ITPRID2: variants seen among roughly 807,000 people sequenced by gnomAD.
ITPRID2 encodes ITPR interacting domain containing 2, also known as protein ITPRID2.
Under a neutral mutation model 124.3 loss-of-function variants are expected in ITPRID2, and 60 were observed. The observed-to-expected ratio is 0.48, with a 90% CI of 0.39 to 0.60. ITPRID2 has a LOEUF of 0.60. Among genes scored for constraint, ITPRID2 ranks in the 20% least tolerant of loss-of-function variants. ITPRID2 has a pLI of 0.00. For synonymous variants in ITPRID2, 521 were observed against 542.9 expected, an observed-to-expected ratio of 0.96 and a Z score of 0.56; for missense variants, 1,553 against 1,512.2, an observed-to-expected ratio of 1.03 and a Z score of -0.45.
chr2:181,911,875 G>C (rs925925361), intron 9 of ITPRID2, among the ~76,000 whole-genome samples: 2 of 152,166 alleles, frequency 1.3e-5, no homozygotes, highest in African/African-American at 4.8e-5. Context: ...GCAAGAACTT[G>C]AACCCAGGCC....
intron 11 of ITPRID2, 175 bp from the exon 12 acceptor site, chr2:181,918,423 T>C (rs1574285925): frequency 6.9e-7 from 1 of 1,439,272 alleles, no homozygotes; most frequent in South Asian, 1.6e-5. Context: ...CTAGCAGTAC[T>C]AGGTGTCATT....
Position 181,922,272 on chromosome 2 carries a change from G to T in ITPRID2, c.3535G>T (p.Asp1179Tyr), listed in dbSNP as rs61736565. 2.5e-6 allele frequency: 4 copies of T among 1,614,108 alleles called. No homozygotes were observed. The highest frequency in any genetic ancestry group is 3.4e-6 in the Non-Finnish European group (4 of 1,180,050). Residue 1179 changes from aspartate (D) to tyrosine (Y), a missense_variant, in exon 16 of 18, where the codon GAT (aspartate) becomes TAT (tyrosine). Physicochemically the swap from Asp to Tyr is radical, Grantham distance 160. Transcript: ENST00000431877. ...AGATTTGGAAAGTTCTGAGGAAGTT[G>T]ATGCAGCTGAAGGAGCCCCAGAAGT... ...PPDLESSEEV[D>Y]AAEGAPEVVG...
intron 17 of ITPRID2, among the ~76,000 whole-genome samples, 176 bp from the exon 18 acceptor site, chr2:181,929,383 TTA>T (rs952372020): frequency 1.7e-4 from 26 of 152,002 alleles, no homozygotes; most frequent in African/African-American, 5.6e-4. Context: ...TTAATAGGAA[TTA>T]TTTTTTTTAA....
In ITPRID2 at chr2:181,902,113, T is replaced by C. The variant is rs1222018763; in HGVS notation, c.1060T>C (p.Ser354Pro). ...QKIMKKKESS[S>P]MLATVKEEVS... ...AATTATGAAGAAGAAAGAGTCATCT[T>C]CTATGTTGGCTACAGTTAAAGAAGA... Residue 354 changes from serine to proline, a missense_variant, in exon 8 of 18, where the codon TCT becomes CCT. Transcript: ENST00000431877. This position sits in a 1 kb window ranked among gnomAD's most constrained non-coding sequence, Gnocchi z 4.4. 6.2e-7 allele frequency: 1 copy of C among 1,612,712 alleles called. No individual in the cohort carries two copies. Among genetic ancestry groups the C allele is most frequent in the Non-Finnish European group, 8.5e-7 (1 of 1,179,386 alleles).
Position 181,919,464 on chromosome 2 carries a change from T to G in ITPRID2, c.3144+18T>G, listed in dbSNP as rs558306715. On this transcript the variant is annotated intron_variant, in intron 14 of 17. Transcript: ENST00000431877. The surrounding 1 kb of genome is among the most constrained non-coding windows in gnomAD (Gnocchi z 4.2). The stretch of plus-strand genomic sequence containing the variant: ...CACTCATGGTACGCTACCTGGAGGG[T>G]GGTCGGAGTTTTCACCAAAGGTTTA... 6.5e-7 allele frequency: 1 copy of G among 1,527,868 alleles called. No individual in the cohort carries two copies. Among genetic ancestry groups the G allele is most frequent in the African/African-American group, 1.4e-5 (1 of 71,362 alleles). The allele number at this position is 1,527,868 out of a possible 1,614,324, so 94.6% of individuals were successfully genotyped here. A position where few individuals can be genotyped will look rare whatever the true frequency, so the allele number is the denominator to read the frequency against.
chr2:181,911,751 G>A (rs1477146800), intron 9 of ITPRID2, among the ~76,000 whole-genome samples: 2 of 152,178 alleles, frequency 1.3e-5, no homozygotes. Flanking sequence ...TTACAAAATA[G>A]TTTCCCCTAC....
At position 181,902,370 on chromosome 2, in the gene ITPRID2, T is replaced by C. The variant is rs764356156; in HGVS notation, c.1317T>C (p.His439=). The part of the protein sequence containing the change: ...LENSSELKSV[H]ISTPEKEPCA... Reference sequence around the variant, plus strand: ...ATAGCAGTGAGCTGAAAAGTGTCCATATATCCACACCTGAAAAAGAGCCTT... The same window carrying C: ...ATAGCAGTGAGCTGAAAAGTGTCCACATATCCACACCTGAAAAAGAGCCTT... The change falls in exon 8 of 18, where the codon CAT becomes CAC. Residue 439 remains histidine, a synonymous_variant. Transcript: ENST00000431877. The surrounding 1 kb of genome is among the most constrained non-coding windows in gnomAD (Gnocchi z 4.4). 2 of 1,613,910 alleles carry C rather than the reference T, an allele frequency of 1.2e-6. No individual in the cohort carries two copies. Among genetic ancestry groups the C allele is most frequent in the Non-Finnish European group, 1.7e-6 (2 of 1,179,880 alleles).
intron 8 of ITPRID2, among the ~76,000 whole-genome samples, chr2:181,906,476 ACACCTGTAATCCCAG>A (rs1693133137): frequency 6.6e-6 from 1 of 152,166 alleles, no homozygotes; most frequent in Non-Finnish European, 1.5e-5. Flanking sequence ...ATGGTGATTC[ACACCTGTAATCCCAG>A]CACTGTGTGG....
At chr2:181,900,193 A>C (rs1286699913) in intron 6 of ITPRID2, among the ~76,000 whole-genome samples, 1 of 152,184 alleles carries the variant, frequency 6.6e-6, no homozygotes, top group Non-Finnish European at 1.5e-5. Context: ...AGTTGAAAGT[A>C]AGCTCCTCCC....
In ITPRID2 at chr2:181,924,791, A is replaced by T. The variant is rs139216639; in HGVS notation, c.3675+2379A>T. ...TATTTAATACACTAATTACATAGCT[A>T]AACTTTTGTCATATTAAAGATACCT... On this transcript the variant is annotated intron_variant, in intron 16 of 17. Transcript: ENST00000431877. 5.9e-5 allele frequency among the ~76,000 whole-genome samples: 9 copies of T among 152,350 alleles called. No individual in the cohort carries two copies. In the East Asian group the frequency reaches 1.5e-3, roughly 26 times the overall value.
intron 16 of ITPRID2, among the ~76,000 whole-genome samples, chr2:181,923,394 C>A (rs1694626428): frequency 6.6e-6 from 1 of 152,074 alleles, no homozygotes; most frequent in African/African-American, 2.4e-5. Context: ...CAGAAGACTT[C>A]ATATCTGTAA....
chr2:181,901,831 G>A lies in ITPRID2; in HGVS notation c.778G>A (p.Val260Ile). 7.4e-6 allele frequency: 12 copies of A among 1,613,738 alleles called. No homozygotes were observed. Among genetic ancestry groups the A allele is most frequent in the Non-Finnish European group, 9.3e-6 (11 of 1,179,810 alleles). Reference sequence around the variant, plus strand: ...TGCGTTTTCTTCTTTATATTCTCAAGTCTCCGGGACGCCCCTGCAGAGAAT... The same window carrying A: ...TGCGTTTTCTTCTTTATATTCTCAAATCTCCGGGACGCCCCTGCAGAGAAT... The part of the protein sequence containing the change: ...ANAFSSLYSQ[V>I]SGTPLQRIGS... The change falls in exon 8 of 18, where the codon GTC becomes ATC. Residue 260 changes from valine (V) to isoleucine (I), a missense_variant. Val to Ile is a conservative substitution (Grantham distance 29, BLOSUM62 3). Transcript: ENST00000431877.
chr2:181,891,849 G>C lies in ITPRID2; in HGVS notation c.-218G>C, dbSNP rs1574177344. 6.3e-6 allele frequency: 2 copies of C among 319,296 alleles called. No individual in the cohort carries two copies. Among genetic ancestry groups the C allele is most frequent in the East Asian group, 9.4e-5 (1 of 10,622 alleles). 19.8% of individuals were successfully genotyped at this position (319,296 alleles called of 1,614,324 possible). A position where few individuals can be genotyped will look rare whatever the true frequency, so the allele number is the denominator to read the frequency against. ...GCCACTAGCGCTCCCGCGCGCGCCC[G>C]GCCGCCTTCATGTGAAGCGCCGGCC... On this transcript the variant is annotated 5_prime_UTR_variant, in exon 1 of 18. Coordinates refer to ENST00000431877, the MANE Select transcript of ITPRID2 (RefSeq NM_001130445.3).
Position 181,891,963 on chromosome 2 carries a change from G to T in ITPRID2, c.-104G>T, listed in dbSNP as rs921578082. The T allele has an allele frequency of 4.4e-6, 4 of 903,312 alleles. No homozygotes were observed. Among genetic ancestry groups the T allele is most frequent in the African/African-American group, 1.9e-5 (1 of 53,232 alleles). 56.0% of individuals were successfully genotyped at this position (903,312 alleles called of 1,614,324 possible). The stretch of plus-strand genomic sequence containing the variant: ...CCTCCGGCGCCCGCTTCAGCTCCCC[G>T]GGGCCCCCTGCCCGGCCGGGCGCTG... On this transcript the variant is annotated 5_prime_UTR_variant, in exon 1 of 18. Coordinates refer to ENST00000431877, the MANE Select transcript of ITPRID2 (RefSeq NM_001130445.3).
Position 181,915,461 on chromosome 2 carries a change from TA to T in ITPRID2, c.1824del (p.Lys608AsnfsTer27). ...QCNTIENTGTKQSTCSPGDHI... is the reference protein window; with the variant it reads ...QCNTIENTGTXQSTCSPGDHI... ...GCAACACCATTGAGAATACAGGAAC[TA>T]AACAGTCCACCTGTAGTCCAGGGGA... On this transcript the variant is annotated frameshift_variant, in exon 11 of 18. Transcript: ENST00000431877. LOFTEE classifies it high-confidence loss of function. 6.2e-7 allele frequency: 1 copy of T among 1,614,188 alleles called. No individual in the cohort carries two copies. The highest frequency in any genetic ancestry group is 8.5e-7 in the Non-Finnish European group (1 of 1,180,028).
rs915882105 is a variant in ITPRID2 at position 181,910,608 on chromosome 2, G to T, written c.1486+637G>T. On this transcript the variant is annotated intron_variant, in intron 9 of 17. Transcript: ENST00000431877. This position sits in a 1 kb window ranked among gnomAD's most constrained non-coding sequence, Gnocchi z 4.1. ...AGCTTTAGAGAAAGGGAAAGAGGAA[G>T]AAGTGAAAATGACCACTGAAGGTAG... 10 of 704,662 alleles carry T rather than the reference G, an allele frequency of 1.4e-5. No individual in the cohort carries two copies. In the African/African-American group the frequency reaches 1.4e-4, roughly 10 times the overall value. The allele number at this position is 704,662 out of a possible 1,614,324, so 43.7% of individuals were successfully genotyped here. A position where few individuals can be genotyped will look rare whatever the true frequency, so the allele number is the denominator to read the frequency against.
At position 181,915,568 on chromosome 2, in the gene ITPRID2, A is replaced by G; in HGVS notation, c.1928A>G (p.Glu643Gly). Residue 643 changes from glutamate (E) to glycine (G), a missense_variant, in exon 11 of 18, where the codon GAA (glutamate) becomes GGA (glycine). By Grantham distance (98) the Glu-to-Gly change is moderately conservative (BLOSUM62 -2). Coordinates refer to ENST00000431877, the MANE Select transcript of ITPRID2 (RefSeq NM_001130445.3). Reference sequence around the variant, plus strand: ...GAGCTACTGAGGGAAGCAAGTGCTGAAAGTGATGTGGGTAAAAGCAGTGAA... The same window carrying G: ...GAGCTACTGAGGGAAGCAAGTGCTGGAAGTGATGTGGGTAAAAGCAGTGAA... Reference protein sequence around the residue: ...TVELLREASAESDVGKSSESE... With the variant: ...TVELLREASAGSDVGKSSESE... The G allele has an allele frequency of 6.2e-7, 1 of 1,614,248 alleles. No homozygotes were observed. The highest frequency in any genetic ancestry group is 8.5e-7 in the Non-Finnish European group (1 of 1,180,048).
At position 181,901,848 on chromosome 2, in the gene ITPRID2, G is replaced by T. The variant is rs1222344257; in HGVS notation, c.795G>T (p.Leu265=). 1 of 1,613,768 alleles carries T rather than the reference G, an allele frequency of 6.2e-7. No homozygotes were observed. Among genetic ancestry groups the T allele is most frequent in the Non-Finnish European group, 8.5e-7 (1 of 1,179,860 alleles). Residue 265 remains leucine (L), a synonymous_variant, in exon 8 of 18, where the codon CTG becomes CTT. Transcript: ENST00000431877. ...SLYSQVSGTP[L]QRIGSMSSVT... ...ATTCTCAAGTCTCCGGGACGCCCCT[G>T]CAGAGAATTGGAAGTATGTCCTCAG... is the stretch of plus-strand genomic sequence containing the variant.
chr2:181,900,897 T>C lies in ITPRID2; in HGVS notation c.705T>C (p.Ala235=). The change falls in exon 7 of 18, where the codon GCT becomes GCC. Residue 235 remains alanine (A), a synonymous_variant. Transcript: ENST00000431877. ...TGGAAGTAGAAAACCCAAATTATGCTTTAACAAGTAAGATTTTTAAGTGTT... is the reference window on the plus strand; with the variant it reads ...TGGAAGTAGAAAACCCAAATTATGCCTTAACAAGTAAGATTTTTAAGTGTT... The part of the protein sequence containing the change: ...QRMEVENPNY[A]LTSRFRQIEV... 1 of 1,605,462 alleles carries C rather than the reference T, an allele frequency of 6.2e-7. No individual in the cohort carries two copies. Among genetic ancestry groups the C allele is most frequent in the African/African-American group, 1.3e-5 (1 of 74,494 alleles).
Sources: gnomAD v4.1 joint callset for allele counts (sites outside exome capture counted in the v4.1 genomes callset) on GRCh38, gnomAD v4.1.1 for gene constraint, Gnocchi (gnomAD v3.1) non-coding constraint, MANE v1.5 for transcripts, NCBI Gene and HGNC (gene_info 2026-07-23, HGNC 2026-07-21) for gene names.